The following DNAJC1 variants were observed in gnomAD, a reference collection of about 807,000 sequenced individuals.
The protein encoded by DNAJC1 is DnaJ heat shock protein family (Hsp40) member C1.
A neutral mutation model predicts 76.6 loss-of-function variants in DNAJC1; 58 were observed. The observed-to-expected ratio is 0.76, with a 90% CI of 0.61 to 0.94. DNAJC1 has a LOEUF of 0.94. Ranked by LOEUF, DNAJC1 falls within the 40% of genes least tolerant of loss-of-function variation. The pLI, the probability that DNAJC1 is intolerant of heterozygous loss-of-function variation, is 0.00. For missense variants in DNAJC1, 689 were observed against 677.3 expected (o/e 1.02, Z -0.19); for synonymous variants, 258 against 267.9 (o/e 0.96, Z 0.36).
intron 8 of DNAJC1, among the ~76,000 whole-genome samples, chr10:21,834,013 A>G (rs909928987): frequency 6.6e-6 from 1 of 152,042 alleles, no homozygotes; most frequent in African/African-American, 2.4e-5. Context: ...ACCTGTAATC[A>G]CAGCACTTTG....
intron 1 of DNAJC1, among the ~76,000 whole-genome samples, chr10:21,995,120 C>A (rs1838395374): frequency 6.6e-6 from 1 of 151,780 alleles, no homozygotes; most frequent in Admixed American, 6.6e-5. Flanking sequence ...TTCTAAAAGT[C>A]AGAGGTTTCT....
intron 8 of DNAJC1, among the ~76,000 whole-genome samples, chr10:21,873,467 T>C (rs1383187141): frequency 6.6e-6 from 1 of 151,994 alleles, no homozygotes; most frequent in Non-Finnish European, 1.5e-5. Context: ...GCTTATGTAA[T>C]CAAAAGTGGT....
intron 8 of DNAJC1, among the ~76,000 whole-genome samples, chr10:21,837,860 C>T (rs1219111603): frequency 9.0e-5 from 9 of 99,906 alleles, no homozygotes; most frequent in Admixed American, 2.9e-4. Context: ...CCGCCCCGTC[C>T]GGGAGGGAGG....
At chr10:21,781,285 C>T (rs1267854341) in intron 9 of DNAJC1, among the ~76,000 whole-genome samples, 1 of 152,106 alleles carries the variant, frequency 6.6e-6, no homozygotes, top group African/African-American at 2.4e-5. Flanking sequence ...AAATCATATA[C>T]ATTCTTCTCA....
At chr10:21,816,310 A>G (rs1835073943) in intron 8 of DNAJC1, among the ~76,000 whole-genome samples, 1 of 151,914 alleles carries the variant, frequency 6.6e-6, no homozygotes, top group Non-Finnish European at 1.5e-5. Context: ...TAATGAGCCA[A>G]GATCGTGCCA....
At chr10:21,908,188 A>ATATATATTATATATATAAAATATATAT (rs1564823956) in intron 6 of DNAJC1, among the ~76,000 whole-genome samples, 3 of 102,380 alleles carry the variant, frequency 2.9e-5, no homozygotes, top group African/African-American at 4.0e-5. Flanking sequence ...ATATATAAAA[A>ATATATATTATATATATAAAATATATAT]TATATATTAT....
At chr10:21,782,216 C>T (rs190027723) in intron 9 of DNAJC1, among the ~76,000 whole-genome samples, 1 of 152,290 alleles carries the variant, frequency 6.6e-6, no homozygotes, top group Non-Finnish European at 1.5e-5. Flanking sequence ...GATATCACCA[C>T]TGATCCCAGA....
chr10:21,941,374 G>A (rs947815666), intron 1 of DNAJC1, among the ~76,000 whole-genome samples: 11 of 150,994 alleles, frequency 7.3e-5, no homozygotes, highest in Non-Finnish European at 1.3e-4. Flanking sequence ...GCAGATTTGT[G>A]ACAACTAGGG....
chr10:21,989,867 G>A (rs1031467229), intron 1 of DNAJC1, among the ~76,000 whole-genome samples: 1 of 152,146 alleles, frequency 6.6e-6, no homozygotes, highest in Non-Finnish European at 1.5e-5. Flanking sequence ...CTAGGGAGAG[G>A]TGAAGAGAGA....
At chr10:21,931,446 T>C (rs74755833) in intron 1 of DNAJC1, among the ~76,000 whole-genome samples, 33 of 152,356 alleles carry the variant, frequency 2.2e-4, no homozygotes, top group Non-Finnish European at 3.8e-4. Context: ...AGACATGCTC[T>C]AGATAAGTTG....
At chr10:21,802,426 A>G (rs1021637544) in intron 9 of DNAJC1, among the ~76,000 whole-genome samples, 2 of 152,176 alleles carry the variant, frequency 1.3e-5, no homozygotes, top group Non-Finnish European at 1.5e-5. Context: ...TGAAACCAGC[A>G]TAATAACAAT....
intron 9 of DNAJC1, among the ~76,000 whole-genome samples, chr10:21,801,746 T>A (rs1834817120): frequency 6.6e-6 from 1 of 152,160 alleles, no homozygotes. Flanking sequence ...CGAAATCCCA[T>A]TAATGATAGA....
chr10:21,912,989 T>TC (rs1415383954), intron 6 of DNAJC1, among the ~76,000 whole-genome samples: 1 of 143,690 alleles, frequency 7.0e-6, no homozygotes, highest in Non-Finnish European at 1.5e-5. Flanking sequence ...TTAGGCAACT[T>TC]TTTTTTTTTT....
intron 9 of DNAJC1, among the ~76,000 whole-genome samples, chr10:21,773,879 C>T (rs1271310276): frequency 7.9e-5 from 12 of 151,278 alleles, no homozygotes; most frequent in Admixed American, 5.3e-4. Flanking sequence ...CGGTGGCTCA[C>T]GCCTGTAATC....
At chr10:21,855,979 G>A (rs1472831719) in intron 8 of DNAJC1, among the ~76,000 whole-genome samples, 1 of 152,026 alleles carries the variant, frequency 6.6e-6, no homozygotes, top group Non-Finnish European at 1.5e-5. Flanking sequence ...AAAATAGGTT[G>A]GTGTTTATTC....
chr10:21,980,396 A>G lies in DNAJC1; in HGVS notation c.222+22817T>C, dbSNP rs200780631. Among the ~76,000 whole-genome samples the G allele has an allele frequency of 2.0e-4, 31 of 152,230 alleles. No individual in the cohort carries two copies. In the East Asian group the frequency reaches 6.0e-3, roughly 29 times the overall value. On this transcript the variant is annotated intron_variant, in intron 1 of 11. Coordinates refer to ENST00000376980, the MANE Select transcript of DNAJC1 (RefSeq NM_022365.4). ...TACAATACACTGAAAAGGGCACACC[A>G]CTTCCATAGTATTTATAACAAACAT...
At chr10:21,924,954 T>C (rs1476429543) in intron 3 of DNAJC1, among the ~76,000 whole-genome samples, 2 of 152,096 alleles carry the variant, frequency 1.3e-5, no homozygotes, top group African/African-American at 4.8e-5. Context: ...AAAAATACCA[T>C]ATTATAATCT....
At chr10:21,779,406 G>A (rs1014784700) in intron 9 of DNAJC1, among the ~76,000 whole-genome samples, 1 of 150,070 alleles carries the variant, frequency 6.7e-6, no homozygotes, top group Non-Finnish European at 1.5e-5. Context: ...ACTTCCAGAG[G>A]AACGATCAGG....
At chr10:21,819,001 T>C (rs1202795071) in intron 8 of DNAJC1, among the ~76,000 whole-genome samples, 2 of 152,136 alleles carry the variant, frequency 1.3e-5, no homozygotes, top group African/African-American at 4.8e-5. Context: ...TTATACTACT[T>C]GGGATAAAGC....
Sources: allele counts gnomAD v4.1 joint callset (sites outside exome capture counted in the v4.1 genomes callset), GRCh38; gene constraint gnomAD v4.1.1; transcripts MANE v1.5; gene names NCBI Gene and HGNC (gene_info 2026-07-23, HGNC 2026-07-21).